The following ADGRL3 variants were observed in gnomAD, a reference collection of about 807,000 sequenced individuals.
ADGRL3 encodes adhesion G protein-coupled receptor L3.
A neutral mutation model predicts 153.5 loss-of-function variants in ADGRL3; 62 were observed. That is an observed-to-expected ratio of 0.40 (90% CI 0.33 to 0.50). ADGRL3 has a LOEUF of 0.50. Among genes scored for constraint, ADGRL3 ranks in the 20% least tolerant of loss-of-function variants. ADGRL3 has a pLI of 0.47. For synonymous variants in ADGRL3, 710 were observed against 672.5 expected (o/e 1.06, Z -0.86); for missense variants, 1,641 against 1,859.4 (o/e 0.88, Z 2.16).
At chr4:61,213,550 A>G (rs548385534) in intron 1 of ADGRL3, among the ~76,000 whole-genome samples, 6 of 152,198 alleles carry the variant, frequency 3.9e-5, no homozygotes, top group Non-Finnish European at 8.8e-5. Flanking sequence ...AACATAACAT[A>G]ACATACTGGC....
chr4:61,810,573 G>A (rs1375803485), intron 8 of ADGRL3, among the ~76,000 whole-genome samples: 1 of 152,100 alleles, frequency 6.6e-6, no homozygotes, highest in East Asian at 1.9e-4. Context: ...AGTAGAAATT[G>A]CACAGGGTTT....
chr4:61,436,283 C>T (rs1167427938), intron 2 of ADGRL3, among the ~76,000 whole-genome samples: 1 of 152,050 alleles, frequency 6.6e-6, no homozygotes, highest in Non-Finnish European at 1.5e-5. Context: ...CCAAAAAAAT[C>T]AGTGTTAGGC....
intron 9 of ADGRL3, among the ~76,000 whole-genome samples, chr4:61,844,768 G>A (rs2149047033): frequency 6.6e-6 from 1 of 151,270 alleles, no homozygotes; most frequent in East Asian, 2.0e-4. Flanking sequence ...TCTTTTCTTT[G>A]TCTTTTTCCA....
intron 9 of ADGRL3, among the ~76,000 whole-genome samples, chr4:61,841,466 T>C (rs995018555): frequency 1.5e-4 from 23 of 152,172 alleles, no homozygotes; most frequent in Non-Finnish European, 3.1e-4. Context: ...CATCAACCGC[T>C]CATTGTAATT....
At chr4:61,578,967 T>A (rs1293018221) in intron 4 of ADGRL3, among the ~76,000 whole-genome samples, 1 of 152,136 alleles carries the variant, frequency 6.6e-6, no homozygotes, top group African/African-American at 2.4e-5. Context: ...TCTTCTCTCC[T>A]GCTCTGAACT....
At chr4:61,745,226 C>T (rs542084532) in intron 8 of ADGRL3, among the ~76,000 whole-genome samples, 31 of 152,260 alleles carry the variant, frequency 2.0e-4, no homozygotes, top group Non-Finnish European at 3.7e-4. Flanking sequence ...ACCAAATCTA[C>T]GTCTGATTGG....
At chr4:61,522,182 A>C (rs2098535409) in intron 4 of ADGRL3, among the ~76,000 whole-genome samples, 1 of 152,078 alleles carries the variant, frequency 6.6e-6, no homozygotes, top group Non-Finnish European at 1.5e-5. Context: ...TTCTTAGTAC[A>C]ATGTTCCAAT....
At chr4:61,384,279 A>G (rs2096709507) in intron 2 of ADGRL3, among the ~76,000 whole-genome samples, 1 of 151,834 alleles carries the variant, frequency 6.6e-6, no homozygotes, top group Admixed American at 6.6e-5. Flanking sequence ...TGTTTTACAG[A>G]AGAGATATGA....
intron 11 of ADGRL3, 146 bp from the exon 12 acceptor site, chr4:61,909,414 G>C: frequency 1.8e-6 from 1 of 567,730 alleles, no homozygotes; most frequent in Non-Finnish European, 3.0e-6. Flanking sequence ...GGAAAAATTG[G>C]GGAGTGTATT....
At chr4:62,044,821 TC>T (rs1490621897) in intron 25 of ADGRL3, among the ~76,000 whole-genome samples, 1 of 152,092 alleles carries the variant, frequency 6.6e-6, no homozygotes, top group African/African-American at 2.4e-5. Context: ...TGGAGAGCTG[TC>T]AGGCCTCATT....
At chr4:61,694,161 TTTTAAAA>T (rs2151180138) in intron 6 of ADGRL3, among the ~76,000 whole-genome samples, 1 of 149,750 alleles carries the variant, frequency 6.7e-6, no homozygotes, top group African/African-American at 2.4e-5. Flanking sequence ...TCCTATACTA[TTTTAAAA>T]TTTTGTCATT....
chr4:61,932,793 G>T (rs2150120127), intron 13 of ADGRL3, among the ~76,000 whole-genome samples: 1 of 152,186 alleles, frequency 6.6e-6, no homozygotes, highest in Admixed American at 6.5e-5. Context: ...CACCAGTGAA[G>T]CTATCTGATC....
chr4:61,646,145 T>A (rs1345839407), intron 5 of ADGRL3, among the ~76,000 whole-genome samples: 1 of 152,104 alleles, frequency 6.6e-6, no homozygotes, highest in Non-Finnish European at 1.5e-5. Flanking sequence ...TCAGCTCCTT[T>A]AAGCACTTCT....
At chr4:62,060,456 T>C (rs2151852613) in intron 25 of ADGRL3, among the ~76,000 whole-genome samples, 1 of 152,044 alleles carries the variant, frequency 6.6e-6, no homozygotes, top group East Asian at 1.9e-4. Flanking sequence ...GGCAATTATG[T>C]TTTTTAAGAT....
intron 2 of ADGRL3, among the ~76,000 whole-genome samples, chr4:61,429,061 C>G (rs570251713): frequency 6.6e-6 from 1 of 151,834 alleles, no homozygotes; most frequent in Non-Finnish European, 1.5e-5. Flanking sequence ...GGTTACAAAC[C>G]CAGGTATAAT....
intron 15 of ADGRL3, among the ~76,000 whole-genome samples, chr4:61,938,530 C>T (rs1250937190): frequency 1.3e-5 from 2 of 152,090 alleles, no homozygotes; most frequent in East Asian, 3.9e-4. Flanking sequence ...AGAAGATATA[C>T]TAGAGCAAGG....
intron 5 of ADGRL3, among the ~76,000 whole-genome samples, chr4:61,656,359 T>G (rs2094442695): frequency 6.6e-6 from 1 of 151,642 alleles, no homozygotes; most frequent in African/African-American, 2.4e-5. Flanking sequence ...GTACTTTTTT[T>G]TGTGGGGGGG....
intron 5 of ADGRL3, among the ~76,000 whole-genome samples, chr4:61,607,627 T>C (rs569756616): frequency 8.5e-4 from 129 of 152,112 alleles, no homozygotes; most frequent in African/African-American, 3.1e-3. Flanking sequence ...AATCTTAAGT[T>C]CTACACTAGT....
At chr4:61,717,613 C>T (rs1159969252) in intron 6 of ADGRL3, among the ~76,000 whole-genome samples, 1 of 152,146 alleles carries the variant, frequency 6.6e-6, no homozygotes, top group East Asian at 1.9e-4. Context: ...ACATAGTAAA[C>T]ATTCAATAGT....
Sources: gnomAD v4.1 joint callset for allele counts (sites outside exome capture counted in the v4.1 genomes callset) on GRCh38, gnomAD v4.1.1 for gene constraint, MANE v1.5 for transcripts, NCBI Gene and HGNC (gene_info 2026-07-23, HGNC 2026-07-21) for gene names.